Variants in FUT8 observed in about 807,000 individuals in gnomAD.
The protein encoded by FUT8 is fucosyltransferase 8, also known as alpha-(1,6)-fucosyltransferase.
Under a neutral mutation model 71.3 loss-of-function variants are expected in FUT8, and 29 were observed. The observed-to-expected ratio is 0.41, with a 90% confidence interval of 0.30 to 0.55. FUT8 has a LOEUF of 0.55. FUT8 is among the 20% of genes least tolerant of loss of function. FUT8 has a pLI of 0.34. For synonymous variants in FUT8, 254 were observed against 239.3 expected (o/e 1.06, Z -0.57); for missense variants, 544 against 702.1 (o/e 0.77, Z 2.55).
At chr14:65,704,604 C>T (rs1894470158) in intron 7 of FUT8, among the ~76,000 whole-genome samples, 1 of 152,158 alleles carries the variant, frequency 6.6e-6, no homozygotes, top group Admixed American at 6.5e-5. Flanking sequence ...CTCATAGGGT[C>T]TTATGAATCA....
intron 1 of FUT8, among the ~76,000 whole-genome samples, chr14:65,429,805 G>A (rs1392409212): frequency 1.4e-5 from 2 of 146,522 alleles, no homozygotes; most frequent in Non-Finnish European, 3.0e-5. Flanking sequence ...CAAGGCTGCC[G>A]GTAAGCTGAG....
chr14:65,418,768 C>T (rs2065253749), intron 1 of FUT8, among the ~76,000 whole-genome samples: 1 of 152,098 alleles, frequency 6.6e-6, no homozygotes, highest in Non-Finnish European at 1.5e-5. Context: ...GGGAATTGAC[C>T]ATCTTTACAG....
At chr14:65,398,899 G>A in the FUT8 span, among the ~76,000 whole-genome samples, 1 of 152,194 alleles carries the variant, frequency 6.6e-6, no homozygotes, top group African/African-American at 2.4e-5. Flanking sequence ...GGTAAGCTGT[G>A]ATTGGGATAC....
intron 1 of FUT8, among the ~76,000 whole-genome samples, chr14:65,453,396 G>A (rs889306600): frequency 2.6e-5 from 4 of 152,142 alleles, no homozygotes; most frequent in African/African-American, 9.7e-5. Flanking sequence ...TCTTTGTTAA[G>A]TGTAACCACT....
Position 65,455,233 on chromosome 14 carries a change from C to T in FUT8, c.-325-388C>T, listed in dbSNP as rs58855129. Among the ~76,000 whole-genome samples, 884 of 152,190 alleles carry T rather than the reference C, an allele frequency of 5.8e-3. 14 individuals are homozygous for T. The highest frequency in any genetic ancestry group is 0.02 in the African/African-American group (840 of 41,518). ...TTATGTAGCTAACCGAGGTGTCATA[C>T]AAAATCGAGGGGAAATACAAAAGAT... On this transcript the variant is annotated intron_variant, in intron 1 of 10. Coordinates refer to ENST00000673929, the MANE Select transcript of FUT8 (RefSeq NM_001371533.1).
At chr14:65,383,494 ACTC>A in the FUT8 span, among the ~76,000 whole-genome samples, 3 of 150,892 alleles carry the variant, frequency 2.0e-5, no homozygotes, top group African/African-American at 7.3e-5. Flanking sequence ...AGGCTGGTGA[ACTC>A]CTGACCTTGT....
intron 7 of FUT8, among the ~76,000 whole-genome samples, chr14:65,703,471 C>A (rs1894413466): frequency 6.6e-6 from 1 of 152,196 alleles, no homozygotes; most frequent in Admixed American, 6.5e-5. Context: ...AGCTATGCCA[C>A]CAGAAGCTAT....
At chr14:65,641,258 A>G (rs1416984990) in intron 6 of FUT8, among the ~76,000 whole-genome samples, 2 of 152,196 alleles carry the variant, frequency 1.3e-5, no homozygotes, top group African/African-American at 4.8e-5. Context: ...TTGTATATAA[A>G]TGGAGACCTA....
chr14:65,466,940 A>C (rs1429344691), intron 2 of FUT8, among the ~76,000 whole-genome samples: 4 of 152,200 alleles, frequency 2.6e-5, no homozygotes, highest in African/African-American at 9.6e-5. Context: ...TATTTGTTTT[A>C]CTTTTCCATA....
At chr14:65,405,318 G>A in the FUT8 span, among the ~76,000 whole-genome samples, 1 of 152,174 alleles carries the variant, frequency 6.6e-6, no homozygotes, top group Non-Finnish European at 1.5e-5. Flanking sequence ...GTTCCAATAG[G>A]ACTATCCAGA....
chr14:65,554,939 A>G (rs1340562426), intron 2 of FUT8, among the ~76,000 whole-genome samples: 1 of 152,076 alleles, frequency 6.6e-6, no homozygotes, highest in African/African-American at 2.4e-5. Context: ...CAGATAATTT[A>G]CTTTTGGATT....
chr14:65,553,969 A>G (rs1258736591), intron 2 of FUT8, among the ~76,000 whole-genome samples: 1 of 151,958 alleles, frequency 6.6e-6, no homozygotes, highest in Non-Finnish European at 1.5e-5. Context: ...ATTCCCAGCT[A>G]ACATCTCTTT....
At chr14:65,650,720 A>AAAAAAAAAAC (rs1401668958) in intron 6 of FUT8, among the ~76,000 whole-genome samples, 11 of 131,282 alleles carry the variant, frequency 8.4e-5, no homozygotes, top group Non-Finnish European at 1.0e-4. Context: ...AAAAAAAAAA[A>AAAAAAAAAAC]AAAAAAAAAC....
the FUT8 span, among the ~76,000 whole-genome samples, chr14:65,367,535 G>C: frequency 6.6e-6 from 1 of 152,176 alleles, no homozygotes; most frequent in Admixed American, 6.5e-5. Context: ...GCTCTGTGGA[G>C]TGATTTAAGG....
intron 2 of FUT8, among the ~76,000 whole-genome samples, chr14:65,505,217 T>C (rs1387768248): frequency 6.6e-6 from 1 of 152,140 alleles, no homozygotes; most frequent in Non-Finnish European, 1.5e-5. Context: ...CTGATGTTTT[T>C]ATTTCTTTAT....
intron 2 of FUT8, among the ~76,000 whole-genome samples, chr14:65,484,900 T>A (rs1309731728): frequency 6.6e-6 from 1 of 152,174 alleles, no homozygotes; most frequent in African/African-American, 2.4e-5. Flanking sequence ...GTTCATGGAT[T>A]TTTTTCTTCT....
At chr14:65,655,119 T>C (rs1439550176) in intron 6 of FUT8, among the ~76,000 whole-genome samples, 1 of 151,634 alleles carries the variant, frequency 6.6e-6, no homozygotes, top group Non-Finnish European at 1.5e-5. Context: ...TATAACGATA[T>C]AGGTAGATTA....
chr14:65,445,669 G>C (rs184733449), intron 1 of FUT8, among the ~76,000 whole-genome samples: 1 of 152,306 alleles, frequency 6.6e-6, no homozygotes, highest in East Asian at 1.9e-4. Flanking sequence ...TACTTTATAA[G>C]GCATTTGGTC....
intron 7 of FUT8, among the ~76,000 whole-genome samples, chr14:65,698,827 A>G (rs1252260496): frequency 6.6e-6 from 1 of 152,142 alleles, no homozygotes; most frequent in Non-Finnish European, 1.5e-5. Flanking sequence ...TTTGCCTGCA[A>G]TAGTGGTAGT....
Sources: allele counts gnomAD v4.1 joint callset (sites outside exome capture counted in the v4.1 genomes callset), GRCh38; gene constraint gnomAD v4.1.1; transcripts MANE v1.5; gene names NCBI Gene and HGNC (gene_info 2026-07-23, HGNC 2026-07-21).